The following CTNND2 variants were observed in gnomAD, a reference collection of about 807,000 sequenced individuals.
CTNND2 encodes the protein catenin delta 2, also known as catenin delta-2.
In CTNND2, 22 loss-of-function variants were observed where a neutral mutation model predicts 144.4. That is an observed-to-expected ratio of 0.15 (90% CI 0.11 to 0.22). The LOEUF is 0.22. Ranked by LOEUF, CTNND2 falls within the 10% of genes least tolerant of loss-of-function variation. CTNND2 has a pLI of 1.00. For synonymous variants in CTNND2, 751 were observed against 695.6 expected, an observed-to-expected ratio of 1.08 and a Z score of -1.25; for missense variants, 1,353 against 1,618.8, an observed-to-expected ratio of 0.84 and a Z score of 2.82.
At chr5:11,843,986 G>GA (rs1794615763) in intron 1 of CTNND2, among the ~76,000 whole-genome samples, 1 of 152,094 alleles carries the variant, frequency 6.6e-6, no homozygotes, top group African/African-American at 2.4e-5. Context: ...CTGTCTTTAA[G>GA]AAAACAATTT....
chr5:11,699,610 C>T (rs7715814), intron 2 of CTNND2, among the ~76,000 whole-genome samples: 17,539 of 151,888 alleles, frequency 0.12, 3,378 homozygotes, highest in African/African-American at 0.4. Flanking sequence ...AGAAAAGGGC[C>T]GAGATGAAAG....
Position 10,973,267 on chromosome 5 carries a change from C to T in CTNND2, c.*186G>A, listed in dbSNP as rs1244448405. Reference sequence around the variant, plus strand: ...ATCACTTTAGCTTTCTACTGATTTCCAAGTTAACTTGCGATTCATTTAGCT... The same window carrying T: ...ATCACTTTAGCTTTCTACTGATTTCTAAGTTAACTTGCGATTCATTTAGCT... On this transcript the variant is annotated 3_prime_UTR_variant, in exon 22 of 22. Transcript: ENST00000304623. The surrounding 1 kb of genome is among the most constrained non-coding windows in gnomAD (Gnocchi z 5.6). The T allele has an allele frequency of 3.2e-5, 19 of 602,830 alleles. No homozygotes were observed. Among genetic ancestry groups the T allele is most frequent in the Non-Finnish European group, 4.8e-5 (18 of 376,678 alleles). 37.3% of individuals were successfully genotyped at this position (602,830 alleles called of 1,614,324 possible). A position where few individuals can be genotyped will look rare whatever the true frequency, so the allele number is the denominator to read the frequency against.
At chr5:11,772,551 G>A (rs2126828336) in intron 1 of CTNND2, among the ~76,000 whole-genome samples, 1 of 152,322 alleles carries the variant, frequency 6.6e-6, no homozygotes, top group Admixed American at 6.5e-5. Context: ...ACAGGTGTGT[G>A]AGCTCTTAAT....
At chr5:11,397,884 C>T (rs1760286981) in intron 5 of CTNND2, among the ~76,000 whole-genome samples, 1 of 152,140 alleles carries the variant, frequency 6.6e-6, no homozygotes, top group African/African-American at 2.4e-5. Flanking sequence ...AGTTTCTGGT[C>T]TTACTTAATT....
chr5:11,413,472 G>A (rs1761701522), intron 3 of CTNND2, among the ~76,000 whole-genome samples: 3 of 152,146 alleles, frequency 2.0e-5, no homozygotes, highest in South Asian at 4.1e-4. Context: ...TTTCAAGAAT[G>A]TGAATATCAA....
At chr5:11,318,931 A>ATAT (rs55695974) in intron 9 of CTNND2, among the ~76,000 whole-genome samples, 22 of 151,154 alleles carry the variant, frequency 1.5e-4, no homozygotes, top group African/African-American at 3.6e-4. Flanking sequence ...TAATAATAAT[A>ATAT]ATATATATAT....
At chr5:11,101,887 A>ATGTGTG (rs201704440) in intron 14 of CTNND2, among the ~76,000 whole-genome samples, 1,716 of 145,258 alleles carry the variant, frequency 0.012, 16 homozygotes, top group Middle Eastern at 0.021. Flanking sequence ...ACGACCACAT[A>ATGTGTG]TGTGTGTGTG....
chr5:10,979,825 T>C (rs1475574496), intron 21 of CTNND2, among the ~76,000 whole-genome samples: 1 of 152,206 alleles, frequency 6.6e-6, no homozygotes, highest in Non-Finnish European at 1.5e-5. Context: ...ATTTAATAAA[T>C]GTTGTTGGGA....
At chr5:11,143,986 C>T (rs1407230009) in intron 12 of CTNND2, among the ~76,000 whole-genome samples, 1 of 149,776 alleles carries the variant, frequency 6.7e-6, no homozygotes, top group Non-Finnish European at 1.5e-5. Context: ...TAGGGGCAGT[C>T]CCCAGGTCTA....
At chr5:11,793,354 A>G (rs928253326) in intron 1 of CTNND2, among the ~76,000 whole-genome samples, 1 of 152,182 alleles carries the variant, frequency 6.6e-6, no homozygotes, top group Non-Finnish European at 1.5e-5. Flanking sequence ...TGTCACACAC[A>G]GTATTATTGG....
chr5:11,420,194 G>A (rs2149851513), intron 3 of CTNND2, among the ~76,000 whole-genome samples: 1 of 152,160 alleles, frequency 6.6e-6, no homozygotes, highest in African/African-American at 2.4e-5. Flanking sequence ...GTGTTGTCAG[G>A]CGCCTGCAAT....
At chr5:11,020,527 C>T (rs1481528755) in intron 17 of CTNND2, among the ~76,000 whole-genome samples, 1 of 152,032 alleles carries the variant, frequency 6.6e-6, no homozygotes, top group Non-Finnish European at 1.5e-5. Flanking sequence ...TAAAATTTGT[C>T]TAGAAGTCCA....
chr5:11,061,141 C>CCA (rs1407855780), intron 16 of CTNND2, among the ~76,000 whole-genome samples: 2 of 151,966 alleles, frequency 1.3e-5, no homozygotes, highest in African/African-American at 2.4e-5. Context: ...TCTTTTTTTG[C>CCA]CACTTACGGC....
chr5:11,269,164 A>T (rs981046541), intron 9 of CTNND2, among the ~76,000 whole-genome samples: 4 of 152,232 alleles, frequency 2.6e-5, no homozygotes, highest in Non-Finnish European at 4.4e-5. Flanking sequence ...CAGCTGTAAA[A>T]TGGAAAAATA....
intron 18 of CTNND2, among the ~76,000 whole-genome samples, chr5:11,009,462 C>T (rs530209369): frequency 2.0e-5 from 3 of 152,302 alleles, no homozygotes; most frequent in Admixed American, 6.5e-5. Context: ...CTCAAGCACA[C>T]CGAGTTCTCA....
At chr5:11,097,046 C>T (rs1408465910) in intron 15 of CTNND2, among the ~76,000 whole-genome samples, 1 of 152,108 alleles carries the variant, frequency 6.6e-6, no homozygotes, top group African/African-American at 2.4e-5. Context: ...TTGCATCCAG[C>T]GTTGTGACTG....
intron 1 of CTNND2, among the ~76,000 whole-genome samples, chr5:11,884,907 A>G (rs776634156): frequency 2.0e-5 from 3 of 149,146 alleles, no homozygotes; most frequent in Non-Finnish European, 4.5e-5. Flanking sequence ...TTCTTCATCT[A>G]TTGAGATAAT....
chr5:11,213,966 T>C (rs1269604199), intron 10 of CTNND2, among the ~76,000 whole-genome samples: 1 of 152,324 alleles, frequency 6.6e-6, no homozygotes, highest in African/African-American at 2.4e-5. Context: ...CAGTTCTTTA[T>C]ACTATTTTAT....
intron 12 of CTNND2, among the ~76,000 whole-genome samples, chr5:11,156,976 C>G (rs957268201): frequency 2.0e-5 from 3 of 152,154 alleles, no homozygotes; most frequent in Non-Finnish European, 4.4e-5. Context: ...TTGTTTTAAG[C>G]ACAGATCTGT....
Sources: gnomAD v4.1 joint callset for allele counts (sites outside exome capture counted in the v4.1 genomes callset) on GRCh38, gnomAD v4.1.1 for gene constraint, Gnocchi (gnomAD v3.1) non-coding constraint, MANE v1.5 for transcripts, NCBI Gene and HGNC (gene_info 2026-07-23, HGNC 2026-07-21) for gene names.